The following CPOX variants were observed in gnomAD, a reference collection of about 807,000 sequenced individuals.
CPOX encodes oxygen-dependent coproporphyrinogen-III oxidase, mitochondrial.
Under a neutral mutation model 48.9 loss-of-function variants are expected in CPOX, and 24 were observed. The observed-to-expected ratio is 0.49, with a 90% CI of 0.36 to 0.69. The LOEUF is 0.69. Ranked by LOEUF, CPOX falls within the 30% of genes least tolerant of loss-of-function variation. CPOX has a pLI of 0.00. For synonymous variants in CPOX, 249 were observed against 234.6 expected (o/e 1.06, Z -0.56); for missense variants, 549 against 597.3 (o/e 0.92, Z 0.84).
rs1337718817 is a variant in CPOX at position 98,591,235 on chromosome 3, T to C, written c.557-80A>G. The C allele has an allele frequency of 6.7e-5, 99 of 1,485,890 alleles. No homozygotes were observed. In the South Asian group the frequency reaches 1.1e-3, roughly 17 times the overall value. 92.0% of individuals were successfully genotyped at this position (1,485,890 alleles called of 1,614,324 possible). A position where few individuals can be genotyped will look rare whatever the true frequency, so the allele number is the denominator to read the frequency against. ...AGCAACACTTGCATGAAGATGGTTA[T>C]TTTCCCGTTTCCCAAATCTTTTATA... On this transcript the variant is annotated intron_variant, in intron 1 of 6. Coordinates refer to ENST00000647941, the MANE Select transcript of CPOX (RefSeq NM_000097.7).
intron 3 of CPOX, chr3:98,589,562 TAAAACTCCCCAG>T (rs201144819): frequency 0.012 from 1,877 of 152,284 alleles, 54 homozygotes; most frequent in Admixed American, 0.057. Context: ...CTGTAGTTTA[TAAAACTCCCCAG>T]GAGATTCTGA....
chr3:98,585,636 G>A lies in CPOX; in HGVS notation c.977C>T (p.Ala326Val). The A allele has an allele frequency of 6.2e-7, 1 of 1,613,918 alleles. No individual in the cohort carries two copies. Among genetic ancestry groups the A allele is most frequent in the Non-Finnish European group, 8.5e-7 (1 of 1,179,880 alleles). ...AATGCCCCGCCGTTCTCCACGATGGGCTATAAAGAAGTAATCATCACACCT... is the reference window on the plus strand; with the variant it reads ...AATGCCCCGCCGTTCTCCACGATGGACTATAAAGAAGTAATCATCACACCT... ...KKWCDDYFFI[A>V]HRGERRGIGG... The change falls in exon 5 of 7, where the codon GCC becomes GTC. Residue 326 changes from alanine to valine, a missense_variant. Transcript: ENST00000647941.
intron 4 of CPOX, among the ~76,000 whole-genome samples, chr3:98,586,309 G>A (rs1023212936): frequency 1.3e-5 from 2 of 152,148 alleles, no homozygotes; most frequent in African/African-American, 2.4e-5. Context: ...TGCTGCCTTC[G>A]GAAGCACTGC....
At chr3:98,588,410 T>G (rs1192816002) in intron 4 of CPOX, among the ~76,000 whole-genome samples, 1 of 152,176 alleles carries the variant, frequency 6.6e-6, no homozygotes, top group East Asian at 1.9e-4. Context: ...AATAAGAATT[T>G]AACAACCCAC....
At chr3:98,586,459 A>G (rs1707365564) in intron 4 of CPOX, among the ~76,000 whole-genome samples, 1 of 152,216 alleles carries the variant, frequency 6.6e-6, no homozygotes, top group Non-Finnish European at 1.5e-5. Flanking sequence ...TCTTTCAGAA[A>G]TAAAATTTGA....
rs543544648 is a variant in CPOX at position 98,588,109 on chromosome 3, T to G, written c.953+604A>C. 3.3e-5 allele frequency among the ~76,000 whole-genome samples: 5 copies of G among 152,364 alleles called. No homozygotes were observed. The East Asian group carries it at 9.6e-4, about 29-fold the overall frequency. On this transcript the variant is annotated intron_variant, in intron 4 of 6. Transcript: ENST00000647941. ...GCAAAAAGACAAAAATTCTTTGTCC[T>G]TCCTTTTTCAAGAATGCCAATTGGC...
the CPOX span, among the ~76,000 whole-genome samples, chr3:98,574,241 T>A: frequency 6.6e-6 from 1 of 152,208 alleles, no homozygotes; most frequent in African/African-American, 2.4e-5. Flanking sequence ...CCAAGCTTAA[T>A]GACATATAAA....
In CPOX at chr3:98,593,347, G is replaced by A. The variant is rs755245204; in HGVS notation, c.158C>T (p.Pro53Leu). The stretch of plus-strand genomic sequence containing the variant: ...CCCGCGGCTCTGCTCCGTGCCAGCC[G>A]GGCCAGGGGGCCGGCAGACGCGTCC... ...AAGRVCRPPG[P>L]AGTEQSRGLG... The change falls in exon 1 of 7, where the codon CCG (proline) becomes CTG (leucine). Residue 53 changes from proline (P) to leucine (L), a missense_variant. Physicochemically the swap from Pro to Leu is moderately conservative, Grantham distance 98. Coordinates refer to ENST00000647941, the MANE Select transcript of CPOX (RefSeq NM_000097.7). 1.3e-5 allele frequency: 17 copies of A among 1,339,044 alleles called. No homozygotes were observed. The highest frequency in any genetic ancestry group is 1.2e-5 in the Non-Finnish European group (13 of 1,057,158). 82.9% of individuals were successfully genotyped at this position (1,339,044 alleles called of 1,614,324 possible). A position where few individuals can be genotyped will look rare whatever the true frequency, so the allele number is the denominator to read the frequency against.
At chr3:98,577,950 A>G (rs1012588431), downstream of CPOX, among the ~76,000 whole-genome samples, 1 of 152,248 alleles carries the variant, frequency 6.6e-6, no homozygotes, top group African/African-American at 2.4e-5. Context: ...AGAAGCACTT[A>G]TCTCAAATAC....
In CPOX at chr3:98,591,003, C is replaced by A. The variant is rs1240812083; in HGVS notation, c.700+9G>T. 1.2e-5 allele frequency: 20 copies of A among 1,613,900 alleles called. No individual in the cohort carries two copies. Among genetic ancestry groups the A allele is most frequent in the Non-Finnish European group, 1.6e-5 (19 of 1,179,904 alleles). The stretch of plus-strand genomic sequence containing the variant: ...GACTATTAGAGACTATCAAGACTGT[C>A]TGATTTACCATCTTTAGTCTTCAGA... On this transcript the variant is annotated intron_variant, in intron 2 of 6. Coordinates refer to ENST00000647941, the MANE Select transcript of CPOX (RefSeq NM_000097.7).
chr3:98,582,891 C>T (rs1213775956), intron 5 of CPOX, among the ~76,000 whole-genome samples: 2 of 152,230 alleles, frequency 1.3e-5, no homozygotes, highest in East Asian at 3.8e-4. Context: ...TTCTAACTCT[C>T]ACCATTTATC....
At chr3:98,571,305 GT>G in the CPOX span, among the ~76,000 whole-genome samples, 1 of 152,102 alleles carries the variant, frequency 6.6e-6, no homozygotes, top group South Asian at 2.1e-4. Flanking sequence ...CTTTTCTTCA[GT>G]TTGCTTGGTT....
At chr3:98,583,515 C>G (rs1393779540) in intron 5 of CPOX, among the ~76,000 whole-genome samples, 1 of 152,144 alleles carries the variant, frequency 6.6e-6, no homozygotes, top group Non-Finnish European at 1.5e-5. Flanking sequence ...TTCAATTTAA[C>G]TAATGCCTAA....
Position 98,593,024 on chromosome 3 carries a change from C to T in CPOX, c.481G>A (p.Ala161Thr). ...KMELLILETQ[A>T]QVCQALAQVD... ...TGTGCCAGAGCCTGGCACACCTGGG[C>T]CTGGGTCTCCAGAATCAGCAGCTCC... The change falls in exon 1 of 7, where the codon GCC becomes ACC. Residue 161 changes from alanine to threonine, a missense_variant. Physicochemically the swap from Ala to Thr is moderately conservative, Grantham distance 58. Around this residue, in one of 2 missense-constraint regions of CPOX, gnomAD observed 336 missense variants for 318.1 expected, o/e 1.06. Coordinates refer to ENST00000647941, the MANE Select transcript of CPOX (RefSeq NM_000097.7). 1 of 1,613,924 alleles carries T rather than the reference C, an allele frequency of 6.2e-7. No individual in the cohort carries two copies. The highest frequency in any genetic ancestry group is 8.5e-7 in the Non-Finnish European group (1 of 1,179,950).
the CPOX span, among the ~76,000 whole-genome samples, chr3:98,572,370 T>A: frequency 6.6e-6 from 1 of 152,218 alleles, no homozygotes; most frequent in Non-Finnish European, 1.5e-5. Context: ...TTGCCTGGTA[T>A]AGCTATCATT....
In CPOX at chr3:98,580,025, A is replaced by G. The variant is rs1707222952; in HGVS notation, c.*658T>C. On this transcript the variant is annotated 3_prime_UTR_variant, in exon 7 of 7. Transcript: ENST00000647941. ...TCCACAAAAATCAAAATTACAACTTAGACATCTCTAAAATAATAGTAATGT... is the reference window on the plus strand; with the variant it reads ...TCCACAAAAATCAAAATTACAACTTGGACATCTCTAAAATAATAGTAATGT... 3.0e-6 allele frequency: 3 copies of G among 983,724 alleles called. No homozygotes were observed. The highest frequency in any genetic ancestry group is 1.1e-4 in the East Asian group (1 of 8,804). 60.9% of individuals were successfully genotyped at this position (983,724 alleles called of 1,614,324 possible).
chr3:98,574,864 C>T (rs1387874216), downstream of CPOX, among the ~76,000 whole-genome samples: 2 of 152,210 alleles, frequency 1.3e-5, no homozygotes, highest in African/African-American at 4.8e-5. Flanking sequence ...GAGGCATGAA[C>T]CACCGTGCCC....
chr3:98,588,661 G>A, intron 4 of CPOX, 52 bp downstream of exon 4: 2 of 1,601,956 alleles, frequency 1.2e-6, no homozygotes, highest in Non-Finnish European at 1.7e-6. Flanking sequence ...GTTGCCTTCA[G>A]AAGGAACAGA....
At chr3:98,572,040 T>A in the CPOX span, among the ~76,000 whole-genome samples, 1 of 152,192 alleles carries the variant, frequency 6.6e-6, no homozygotes. Context: ...ATTTTCAGGG[T>A]TCAGAGTTCA....
Sources: allele counts gnomAD v4.1 joint callset (sites outside exome capture counted in the v4.1 genomes callset), GRCh38; gene constraint gnomAD v4.1.1; regional missense constraint gnomAD v4.1.1; transcripts MANE v1.5; gene names NCBI Gene and HGNC (gene_info 2026-07-23, HGNC 2026-07-21).